The following NEIL2 variants were observed in gnomAD, a reference collection of about 807,000 sequenced individuals.
NEIL2 encodes the protein nei like DNA glycosylase 2, also known as endonuclease 8-like 2.
A neutral mutation model predicts 22.2 loss-of-function variants in NEIL2; 23 were observed. That is an observed-to-expected ratio of 1.04 (90% CI 0.75 to 1.47). NEIL2 has a LOEUF of 1.47. NEIL2 is among the 40% of genes most tolerant of loss of function. NEIL2 has a pLI of 0.00. For synonymous variants in NEIL2, 229 were observed against 164.8 expected (o/e 1.39, Z -2.99); for missense variants, 583 against 404.7 (o/e 1.44, Z -3.78).
Position 11,779,767 on chromosome 8 carries a change from G to C in NEIL2, c.308G>C (p.Arg103Pro). ...SGQKTLDGSS[R>P]SAELVPQGED... ...CAGAAGACCCTTGATGGATCCTCAC[G>C]GTCTGCAGAGCTCGTCCCCCAGGGC... The change falls in exon 3 of 5, where the codon CGG becomes CCG. Residue 103 changes from arginine to proline, a missense_variant. Physicochemically the swap from Arg to Pro is moderately radical, Grantham distance 103. Transcript: ENST00000284503. 1 of 1,614,180 alleles carries C rather than the reference G, an allele frequency of 6.2e-7. No homozygotes were observed. Among genetic ancestry groups the C allele is most frequent in the Non-Finnish European group, 8.5e-7 (1 of 1,180,048 alleles).
rs1403983041 is a variant in NEIL2 at position 11,777,198 on chromosome 8, A to AC, written c.139-2397dup. On this transcript the variant is annotated intron_variant, in intron 2 of 4. Coordinates refer to ENST00000284503, the MANE Select transcript of NEIL2 (RefSeq NM_145043.4). ...GTACAGATGGGCGTTTCACTTTGTT[A>AC]CCCAGGCTGGTCTCGATCTCCTGGG... 2.0e-5 allele frequency among the ~76,000 whole-genome samples: 3 copies of AC among 150,126 alleles called. No individual in the cohort carries two copies. The East Asian group carries it at 5.8e-4, about 29-fold the overall frequency.
intron 4 of NEIL2, 28 bp downstream of exon 4, chr8:11,783,427 C>A: frequency 6.3e-7 from 1 of 1,595,606 alleles, no homozygotes; most frequent in Admixed American, 1.7e-5. Flanking sequence ...GGGGTGAGTC[C>A]ACAGAGTTGC....
Position 11,786,728 on chromosome 8 carries a change from C to G in NEIL2, c.*455C>G, listed in dbSNP as rs1010988124. The G allele has an allele frequency of 9.5e-6, 2 of 211,630 alleles. No homozygotes were observed. Among genetic ancestry groups the G allele is most frequent in the South Asian group, 6.9e-5 (1 of 14,432 alleles). The allele number at this position is 211,630 out of a possible 1,614,324, so 13.1% of individuals were successfully genotyped here. ...GATCTTGGCTCACGGCAGCCTTGCC[C>G]TCCCTGGCTCAAGCAGTCTTCATCT... is the stretch of plus-strand genomic sequence containing the variant. On this transcript the variant is annotated 3_prime_UTR_variant, in exon 5 of 5. Coordinates refer to ENST00000284503, the MANE Select transcript of NEIL2 (RefSeq NM_145043.4).
intron 3 of NEIL2, among the ~76,000 whole-genome samples, chr8:11,782,141 G>C (rs1029146313): frequency 6.6e-6 from 1 of 151,984 alleles, no homozygotes; most frequent in African/African-American, 2.4e-5. Context: ...GAAAATATTA[G>C]GTTGGGTGTG....
chr8:11,786,176 C>A lies in NEIL2; in HGVS notation c.902C>A (p.Ala301Glu). The A allele has an allele frequency of 1.2e-6, 2 of 1,613,766 alleles. No individual in the cohort carries two copies. The highest frequency in any genetic ancestry group is 1.7e-6 in the Non-Finnish European group (2 of 1,179,984). The part of the protein sequence containing the change: ...CPAGHQVMKE[A>E]FGPEDGLQRL... Reference sequence around the variant, plus strand: ...GCTGGCCACCAGGTCATGAAGGAGGCGTTTGGGCCCGAAGATGGGTTACAG... The same window carrying A: ...GCTGGCCACCAGGTCATGAAGGAGGAGTTTGGGCCCGAAGATGGGTTACAG... The change falls in exon 5 of 5, where the codon GCG (alanine) becomes GAG (glutamate). Residue 301 changes from alanine (A) to glutamate (E), a missense_variant. Physicochemically the swap from Ala to Glu is moderately radical, Grantham distance 107. Coordinates refer to ENST00000284503, the MANE Select transcript of NEIL2 (RefSeq NM_145043.4).
At chr8:11,779,357 A>G (rs912455080) in intron 2 of NEIL2, among the ~76,000 whole-genome samples, 1 of 152,220 alleles carries the variant, frequency 6.6e-6, no homozygotes, top group Admixed American at 6.5e-5. Context: ...TGGCCTTGCC[A>G]TCTTGCATGG....
intron 2 of NEIL2, among the ~76,000 whole-genome samples, chr8:11,774,612 A>T (rs531398705): frequency 1.7e-4 from 26 of 152,326 alleles, no homozygotes; most frequent in Non-Finnish European, 3.2e-4. Flanking sequence ...TCATTTCAGC[A>T]TTAATTTAAT....
At chr8:11,783,067 G>C (rs1585779933) in intron 3 of NEIL2, 136 bp from the exon 4 acceptor site, 1 of 768,980 alleles carries the variant, frequency 1.3e-6, no homozygotes, top group East Asian at 2.5e-5. Context: ...ATGTGTGTAT[G>C]ATCCAGCCAC....
chr8:11,775,363 G>A (rs1803822813), intron 2 of NEIL2, among the ~76,000 whole-genome samples: 1 of 152,184 alleles, frequency 6.6e-6, no homozygotes, highest in Non-Finnish European at 1.5e-5. Flanking sequence ...GCCATGGCTG[G>A]AGGGGCTAGG....
rs759811036 is a variant in NEIL2 at position 11,779,751 on chromosome 8, C to G, written c.292C>G (p.Leu98Val). 2.5e-6 allele frequency: 4 copies of G among 1,614,204 alleles called. No individual in the cohort carries two copies. The South Asian group carries it at 3.3e-5, about 13-fold the overall frequency. The change falls in exon 3 of 5, where the codon CTT becomes GTT. Residue 98 changes from leucine (L) to valine (V), a missense_variant. Coordinates refer to ENST00000284503, the MANE Select transcript of NEIL2 (RefSeq NM_145043.4). ...QVGEPSGQKT[L>V]DGSSRSAELV... is the part of the protein sequence containing the mutation. Reference sequence around the variant, plus strand: ...CGGGGAGCCCAGCGGGCAGAAGACCCTTGATGGATCCTCACGGTCTGCAGA... The same window carrying G: ...CGGGGAGCCCAGCGGGCAGAAGACCGTTGATGGATCCTCACGGTCTGCAGA...
Position 11,786,256 on chromosome 8 carries a change from C to G in NEIL2, c.982C>G (p.Gln328Glu), listed in dbSNP as rs770457534. ...GCCCCAGTTGTCAGAGGAGCCAGAG[C>G]AGTGCCAGTTCTCCTAAGGAGCTGG... ...CQPQLSEEPE[Q>E]CQFS Residue 328 changes from glutamine to glutamate, a missense_variant, in exon 5 of 5, where the codon CAG becomes GAG. Gln to Glu is a conservative substitution (Grantham distance 29). Coordinates refer to ENST00000284503, the MANE Select transcript of NEIL2 (RefSeq NM_145043.4). 2 of 1,612,238 alleles carry G rather than the reference C, an allele frequency of 1.2e-6. No individual in the cohort carries two copies. The highest frequency in any genetic ancestry group is 2.2e-5 in the East Asian group (1 of 44,870).
chr8:11,786,326 A>C lies in NEIL2; in HGVS notation c.*53A>C, dbSNP rs1022253518. 6.4e-7 allele frequency: 1 copy of C among 1,553,030 alleles called. No individual in the cohort carries two copies. Among genetic ancestry groups the C allele is most frequent in the Admixed American group, 1.8e-5 (1 of 54,520 alleles). On this transcript the variant is annotated 3_prime_UTR_variant, in exon 5 of 5. Transcript: ENST00000284503. Reference sequence around the variant, plus strand: ...TTGCCGCTTGGGGAACCTGACGTCTAAGTGTCCAGAAAGGAGGATGTGGGC... The same window carrying C: ...TTGCCGCTTGGGGAACCTGACGTCTCAGTGTCCAGAAAGGAGGATGTGGGC...
At chr8:11,779,165 C>T (rs1445181110) in intron 2 of NEIL2, among the ~76,000 whole-genome samples, 1 of 151,926 alleles carries the variant, frequency 6.6e-6, no homozygotes, top group Non-Finnish European at 1.5e-5. Flanking sequence ...GAGGGGGTAG[C>T]GAGGGGTACC....
chr8:11,781,180 GC>G lies in NEIL2; in HGVS notation c.491+1232del, dbSNP rs1205505399. On this transcript the variant is annotated intron_variant, in intron 3 of 4. Transcript: ENST00000284503. Reference sequence around the variant, plus strand: ...TAGAAGTGTAGTCTTTATTTGTGTGGCCTGACGTAGGTACCATAGGATGCTA... The same window carrying G: ...TAGAAGTGTAGTCTTTATTTGTGTGGCTGACGTAGGTACCATAGGATGCTA... Among the ~76,000 whole-genome samples, 11 of 149,560 alleles carry G rather than the reference GC, an allele frequency of 7.4e-5. No individual in the cohort carries two copies. The Admixed American group carries it at 7.4e-4, about 10-fold the overall frequency.
intron 4 of NEIL2, among the ~76,000 whole-genome samples, chr8:11,784,215 C>T (rs554387821): frequency 6.6e-6 from 1 of 152,280 alleles, no homozygotes; most frequent in East Asian, 1.9e-4. Context: ...CTTGCATTTT[C>T]ATGTTAGGAC....
chr8:11,774,719 G>T (rs1803759359), intron 2 of NEIL2, among the ~76,000 whole-genome samples: 2 of 152,238 alleles, frequency 1.3e-5, no homozygotes, highest in Non-Finnish European at 2.9e-5. Context: ...TAGATACAAT[G>T]GGGGTACAGG....
At chr8:11,772,581 C>T (rs1250637628) in intron 2 of NEIL2, among the ~76,000 whole-genome samples, 1 of 152,166 alleles carries the variant, frequency 6.6e-6, no homozygotes, top group African/African-American at 2.4e-5. Flanking sequence ...CATGTACTTC[C>T]TCCTGTTCTT....
At position 11,769,816 on chromosome 8, in the gene NEIL2, G is replaced by C. The variant is rs1201258132; in HGVS notation, c.-522G>C. ...GGTGAGTGCAGCCGCCCGCCCTCCG[G>C]TAGATCTGCGGCCTGGCGGAGAAGT... On this transcript the variant is annotated 5_prime_UTR_variant, in exon 1 of 5. Transcript: ENST00000284503. The C allele has an allele frequency of 6.6e-6, 1 of 152,376 alleles. No homozygotes were observed. Among genetic ancestry groups the C allele is most frequent in the Admixed American group, 6.5e-5 (1 of 15,290 alleles). The allele number at this position is 152,376 out of a possible 1,614,324, so 9.4% of individuals were successfully genotyped here. A position where few individuals can be genotyped will look rare whatever the true frequency, so the allele number is the denominator to read the frequency against.
At chr8:11,784,807 A>C (rs1232330992) in intron 4 of NEIL2, among the ~76,000 whole-genome samples, 2 of 152,186 alleles carry the variant, frequency 1.3e-5, no homozygotes, top group African/African-American at 2.4e-5. Context: ...GCAGGAGTAG[A>C]AAAATAATAA....
Sources: allele counts gnomAD v4.1 joint callset (sites outside exome capture counted in the v4.1 genomes callset), GRCh38; gene constraint gnomAD v4.1.1; transcripts MANE v1.5; gene names NCBI Gene and HGNC (gene_info 2026-07-23, HGNC 2026-07-21).